The following MAGED2 variants were observed in gnomAD, a reference collection of about 807,000 sequenced individuals.
MAGED2 encodes melanoma-associated antigen D2.
MAGED2 carries 6 observed loss-of-function variants against 41.7 expected under a neutral mutation model. That is an observed-to-expected ratio of 0.14 (90% CI 0.08 to 0.28). The LOEUF (loss-of-function observed/expected upper bound fraction) is 0.28. MAGED2 is among the 10% of genes least tolerant of loss of function. The probability of loss-of-function intolerance (pLI) is 1.00; values close to 1 mark genes in which losing one functional copy is unlikely to be tolerated. For missense variants in MAGED2, 343 were observed against 486.4 expected (o/e 0.71, Z 2.77); for synonymous variants, 146 against 178.2 (o/e 0.82, Z 1.44).
rs1052240728 is a variant in MAGED2 at position 54,814,676 on chromosome X, C to T, written c.1287C>T (p.Ala429=). 2 of 1,201,532 alleles carry T rather than the reference C, an allele frequency of 1.7e-6. No individual in the cohort carries two copies. The highest frequency in any genetic ancestry group is 4.4e-5 in the Admixed American group (2 of 45,839). Residue 429 remains alanine (A), a synonymous_variant, in exon 11 of 13, where the codon GCC becomes GCT. Transcript: ENST00000375068. ...EFVKQKYLDY[A]RVPNSNPPEY... ...TCTTTCCAAGGTACCTGGACTATGC[C>T]AGAGTCCCCAATAGCAATCCCCCTG...
At chrX:54,815,806 G>A in intron 12 of MAGED2, 75 bp from the exon 13 acceptor site, 1 of 485,954 alleles carries the variant, frequency 2.1e-6, no homozygotes, top group Non-Finnish European at 3.4e-6. Context: ...CCAAGACACT[G>A]CTTTTGGCAT....
At position 54,815,659 on chromosome X, in the gene MAGED2, G is replaced by A. The variant is rs1406204094; in HGVS notation, c.1798G>A (p.Ala600Thr). ...AGASTSGSSGACGFSYK is the reference protein window; with the variant it reads ...AGASTSGSSGTCGFSYK ...TGCCAGCACCAGTGGCAGCTCTGGT[G>A]CCTGTGGTTTCTCCTACAAGTGAGA... The change falls in exon 12 of 13, where the codon GCC becomes ACC. Residue 600 changes from alanine (A) to threonine (T), a missense_variant. Ala to Thr is a moderately conservative substitution (Grantham distance 58). Coordinates refer to ENST00000375068, the MANE Select transcript of MAGED2 (RefSeq NM_177433.3). 1.7e-6 allele frequency: 2 copies of A among 1,163,423 alleles called. No individual in the cohort carries two copies. Among genetic ancestry groups the A allele is most frequent in the Middle Eastern group, 2.5e-4 (1 of 3,930 alleles).
At position 54,809,354 on chromosome X, in the gene MAGED2, G is replaced by C. The variant is rs1432705662; in HGVS notation, c.23G>C (p.Gly8Ala). The change falls in exon 2 of 13, where the codon GGT (glycine) becomes GCT (alanine). Residue 8 changes from glycine (G) to alanine (A), a missense_variant. Transcript: ENST00000375068. MSDTSES[G>A]AGLTRFQAEA... Reference sequence around the variant, plus strand: ...GACATGTCTGACACAAGCGAGAGTGGTGCAGGTCTAACTCGCTTCCAGGTA... The same window carrying C: ...GACATGTCTGACACAAGCGAGAGTGCTGCAGGTCTAACTCGCTTCCAGGTA... 2 of 1,211,027 alleles carry C rather than the reference G, an allele frequency of 1.7e-6. No homozygotes were observed. Among genetic ancestry groups the C allele is most frequent in the South Asian group, 1.8e-5 (1 of 56,980 alleles).
chrX:54,812,242 T>C lies in MAGED2; in HGVS notation c.1076T>C (p.Ile359Thr). Residue 359 changes from isoleucine to threonine, a missense_variant, in exon 7 of 13, where the codon ATA (isoleucine) becomes ACA (threonine). By Grantham distance (89) the Ile-to-Thr change is moderately conservative. Coordinates refer to ENST00000375068, the MANE Select transcript of MAGED2 (RefSeq NM_177433.3). ...ACCTTAGAGCCCACTGATGCAGGCA[T>C]ACTGGGAACGTAAGCTGGGAAAGGG... ...LSTLEPTDAG[I>T]LGTTKDSPKL... is the part of the protein sequence containing the mutation. 1 of 1,181,638 alleles carries C rather than the reference T, an allele frequency of 8.5e-7. No homozygotes were observed. Among genetic ancestry groups the C allele is most frequent in the Non-Finnish European group, 1.1e-6 (1 of 874,161 alleles).
At position 54,812,728 on chromosome X, in the gene MAGED2, C is replaced by A. The variant is rs544649122; in HGVS notation, c.1086-217C>A. 4.4e-5 allele frequency among the ~76,000 whole-genome samples: 5 copies of A among 112,365 alleles called. No individual in the cohort carries two copies. In the South Asian group the frequency reaches 1.8e-3, roughly 41 times the overall value. ...CCATTCTTCCATCTTCTTGGAAACC[C>A]AGGGAAGGGAAAATATGATTTTTTC... On this transcript the variant is annotated intron_variant, in intron 7 of 12. Coordinates refer to ENST00000375068, the MANE Select transcript of MAGED2 (RefSeq NM_177433.3).
chrX:54,815,615 C>G lies in MAGED2; in HGVS notation c.1754C>G (p.Ala585Gly). The G allele has an allele frequency of 8.6e-7, 1 of 1,167,858 alleles. No homozygotes were observed. The highest frequency in any genetic ancestry group is 1.1e-6 in the Non-Finnish European group (1 of 873,096). ...GCCACTCTCACATTTGGGCTCTTCG[C>G]TGGCCTTGGTGGAGCTGGTGCCAGC... ...LTATLTFGLF[A>G]GLGGAGASTS... Residue 585 changes from alanine to glycine, a missense_variant, in exon 12 of 13, where the codon GCT becomes GGT. Ala to Gly is a moderately conservative substitution (Grantham distance 60). This residue lies in a region of MAGED2 where 53 missense variants were observed against 60.4 expected (regional missense o/e 0.88). Coordinates refer to ENST00000375068, the MANE Select transcript of MAGED2 (RefSeq NM_177433.3).
chrX:54,814,824 C>T (rs1929912894), intron 11 of MAGED2, 49 bp downstream of exon 11: 1 of 973,197 alleles, frequency 1.0e-6, no homozygotes. Flanking sequence ...ATGGGGTGCC[C>T]CTGGCTGGGG....
At position 54,810,107 on chromosome X, in the gene MAGED2, C is replaced by G; in HGVS notation, c.431C>G (p.Ala144Gly). The G allele has an allele frequency of 5.8e-6, 7 of 1,206,018 alleles. No homozygotes were observed. The highest frequency in any genetic ancestry group is 7.8e-6 in the Non-Finnish European group (7 of 891,989). Residue 144 changes from alanine (A) to glycine (G), a missense_variant, in exon 3 of 13, where the codon GCA (alanine) becomes GGA (glycine). Transcript: ENST00000375068. ...ACAAAGGCTCAGGAGACTGAGGCTG[C>G]ACCCTCTCAGGCCCCAGCAGATGAA... Reference protein sequence around the residue: ...VNTKAQETEAAPSQAPADEPE... With the variant: ...VNTKAQETEAGPSQAPADEPE...
chrX:54,808,884 C>T (rs1011412367), intron 1 of MAGED2, among the ~76,000 whole-genome samples: 2 of 112,433 alleles, frequency 1.8e-5, no homozygotes, highest in Non-Finnish European at 1.9e-5. Context: ...CTATGTTTCG[C>T]TAGAAAGGGG....
At chrX:54,813,627 A>C in intron 10 of MAGED2, 77 bp downstream of exon 10, 1 of 812,447 alleles carries the variant, frequency 1.2e-6, no homozygotes. Context: ...GCCGTGGTGC[A>C]TGGATGCATG....
In MAGED2 at chrX:54,809,300, C is replaced by A. The variant is rs369347855; in HGVS notation, c.-29-3C>A. ...AACTTGACCCAGGCCTTCTCCCCTTCAGGCTCAGCTCTTGCCAGGCCAAAT... is the reference window on the plus strand; with the variant it reads ...AACTTGACCCAGGCCTTCTCCCCTTAAGGCTCAGCTCTTGCCAGGCCAAAT... On this transcript the variant is annotated splice_polypyrimidine_tract_variant and splice_region_variant and intron_variant, in intron 1 of 12. Coordinates refer to ENST00000375068, the MANE Select transcript of MAGED2 (RefSeq NM_177433.3). 164 of 1,206,303 alleles carry A rather than the reference C, an allele frequency of 1.4e-4. 1 individual carries two copies. In the Middle Eastern group the frequency reaches 5.8e-3, roughly 42 times the overall value.
chrX:54,811,393 G>A, intron 5 of MAGED2, 80 bp downstream of exon 5: 1 of 997,595 alleles, frequency 1.0e-6, no homozygotes, highest in Non-Finnish European at 1.4e-6. Flanking sequence ...GATATCCCCT[G>A]CTCTTATGCT....
At chrX:54,808,422 T>C (rs1294333903) in intron 1 of MAGED2, 3 of 110,698 alleles carry the variant, frequency 2.7e-5, no homozygotes, top group African/African-American at 6.6e-5. Context: ...TCGGGAATTG[T>C]AGGAGGACGA....
intron 7 of MAGED2, among the ~76,000 whole-genome samples, chrX:54,812,507 A>G (rs1198008911): frequency 1.8e-5 from 2 of 111,870 alleles, no homozygotes; most frequent in Non-Finnish European, 3.8e-5. Flanking sequence ...GCTTCCCAGG[A>G]AAGCAGGCCT....
chrX:54,813,334 C>A, intron 9 of MAGED2, 154 bp from the exon 10 acceptor site: 1 of 854,329 alleles, frequency 1.2e-6, no homozygotes, highest in Non-Finnish European at 1.6e-6. Flanking sequence ...GAACTCTCTG[C>A]TCCCTCTCTC....
Position 54,809,903 on chromosome X carries a change from G to A in MAGED2, c.227G>A (p.Arg76Gln), listed in dbSNP as rs148790335. Reference sequence around the variant, plus strand: ...GAGGTCTCAAAGACCCCAGAGGCTCGGGAGGCACCTGCCACCCAGGCCTCA... The same window carrying A: ...GAGGTCTCAAAGACCCCAGAGGCTCAGGAGGCACCTGCCACCCAGGCCTCA... Reference protein sequence around the residue: ...ATEVSKTPEAREAPATQASST... With the variant: ...ATEVSKTPEAQEAPATQASST... Residue 76 changes from arginine to glutamine, a missense_variant, in exon 3 of 13, where the codon CGG becomes CAG. Physicochemically the swap from Arg to Gln is conservative, Grantham distance 43 (BLOSUM62 1). Around this residue, in one of 3 missense-constraint regions of MAGED2, gnomAD observed 195 missense variants for 221.2 expected, o/e 0.88. Coordinates refer to ENST00000375068, the MANE Select transcript of MAGED2 (RefSeq NM_177433.3). The A allele has an allele frequency of 3.0e-5, 36 of 1,192,067 alleles. No homozygotes were observed. Among genetic ancestry groups the A allele is most frequent in the Middle Eastern group, 2.3e-4 (1 of 4,274 alleles).
In MAGED2 at chrX:54,813,124, T is replaced by C. The variant is rs1439858961; in HGVS notation, c.1172T>C (p.Ile391Thr). The C allele has an allele frequency of 8.3e-7, 1 of 1,210,256 alleles. No individual in the cohort carries two copies. The highest frequency in any genetic ancestry group is 1.1e-6 in the Non-Finnish European group (1 of 895,432). The change falls in exon 9 of 13, where the codon ATC (isoleucine) becomes ACC (threonine). Residue 391 changes from isoleucine to threonine, a missense_variant. Physicochemically the swap from Ile to Thr is moderately conservative, Grantham distance 89. Around this residue, in one of 3 missense-constraint regions of MAGED2, gnomAD observed 95 missense variants for 204.8 expected, o/e 0.46. Coordinates refer to ENST00000375068, the MANE Select transcript of MAGED2 (RefSeq NM_177433.3). ...MNGNRSSEAVIWEVLRKLGLR... is the reference protein window; with the variant it reads ...MNGNRSSEAVTWEVLRKLGLR... ...CTCTTGCCTCCCCTCGCAGCTGTCA[T>C]CTGGGAGGTGCTGCGCAAGTTGGGG...
chrX:54,813,937 T>C (rs1929883211), intron 10 of MAGED2, among the ~76,000 whole-genome samples: 1 of 112,618 alleles, frequency 8.9e-6, no homozygotes, highest in African/African-American at 3.2e-5. Context: ...TAGAGCTTCA[T>C]AGAAATTAAT....
chrX:54,812,621 G>A (rs1360762937), intron 7 of MAGED2, among the ~76,000 whole-genome samples: 1 of 111,974 alleles, frequency 8.9e-6, no homozygotes, highest in Non-Finnish European at 1.9e-5. Flanking sequence ...TGAAGCGCAG[G>A]AGTGTCAGTG....
Sources: allele counts gnomAD v4.1 joint callset (sites outside exome capture counted in the v4.1 genomes callset), GRCh38; gene constraint gnomAD v4.1.1; regional missense constraint gnomAD v4.1.1; transcripts MANE v1.5; gene names NCBI Gene and HGNC (gene_info 2026-07-23, HGNC 2026-07-21).